Variants in ZNF385D observed in about 807,000 individuals in gnomAD.
ZNF385D encodes the protein zinc finger protein 659.
Under a neutral mutation model 35.8 loss-of-function variants are expected in ZNF385D, and 15 were observed. The ratio of observed to expected loss-of-function variants is 0.42; its 90% CI spans 0.28 to 0.64. The LOEUF (loss-of-function observed/expected upper bound fraction) is 0.64, where lower values mean the gene tolerates loss of function less well. ZNF385D is among the 30% of genes least tolerant of loss of function. The pLI, the probability that ZNF385D is intolerant of heterozygous loss-of-function variation, is 0.23. For missense variants in ZNF385D, 474 were observed against 494.6 expected (o/e 0.96, Z 0.39); for synonymous variants, 212 against 186.8 (o/e 1.13, Z -1.10).
chr3:22,024,034 G>A (rs2125460911), intron 3 of ZNF385D, among the ~76,000 whole-genome samples: 1 of 152,222 alleles, frequency 6.6e-6, no homozygotes, highest in Middle Eastern at 3.4e-3. Flanking sequence ...TTGAGTAAGT[G>A]GACTGGGAAA....
chr3:22,229,263 A>G (rs1027690488), intron 2 of ZNF385D, among the ~76,000 whole-genome samples: 3 of 152,168 alleles, frequency 2.0e-5, no homozygotes, highest in African/African-American at 7.2e-5. Context: ...ACTTTCTGTT[A>G]ACTCTCTTTG....
chr3:21,965,915 T>G (rs1361497901), intron 3 of ZNF385D, among the ~76,000 whole-genome samples: 3 of 152,144 alleles, frequency 2.0e-5, no homozygotes, highest in Non-Finnish European at 4.4e-5. Flanking sequence ...AAATAATTAG[T>G]GAATCCAGGT....
At chr3:21,470,861 C>A (rs558530802) in intron 4 of ZNF385D, among the ~76,000 whole-genome samples, 2 of 152,018 alleles carry the variant, frequency 1.3e-5, no homozygotes, top group Admixed American at 1.3e-4. Flanking sequence ...CCCAGTATAC[C>A]TTTATAAACC....
intron 3 of ZNF385D, among the ~76,000 whole-genome samples, chr3:22,058,059 C>T (rs1699500761): frequency 6.6e-6 from 1 of 152,162 alleles, no homozygotes; most frequent in South Asian, 2.1e-4. Context: ...TTCTTGTTGG[C>T]TATACACACC....
intron 4 of ZNF385D, among the ~76,000 whole-genome samples, chr3:21,481,586 G>A (rs996920149): frequency 5.3e-5 from 8 of 152,120 alleles, no homozygotes; most frequent in South Asian, 2.1e-4. Context: ...CTGGAGTGCC[G>A]TGTGTGATAT....
chr3:22,297,622 G>A (rs1702661752), intron 2 of ZNF385D, among the ~76,000 whole-genome samples: 1 of 152,034 alleles, frequency 6.6e-6, no homozygotes, highest in African/African-American at 2.4e-5. Flanking sequence ...TAGAGGAGTG[G>A]AGCAATGAGT....
At chr3:21,608,376 CTAAACCA>C (rs2064561470) in intron 2 of ZNF385D, among the ~76,000 whole-genome samples, 1 of 152,064 alleles carries the variant, frequency 6.6e-6, no homozygotes, top group African/African-American at 2.4e-5. Flanking sequence ...TTGTTAGCTA[CTAAACCA>C]TAAGCATTAA....
Position 22,025,439 on chromosome 3 carries a change from C to A in ZNF385D, c.325+143378G>T, listed in dbSNP as rs536955905. Among the ~76,000 whole-genome samples the A allele has an allele frequency of 5.7e-4, 87 of 152,138 alleles. 2 individuals are homozygous for A. The South Asian group carries it at 0.012, about 20-fold the overall frequency. On this transcript the variant is annotated intron_variant, in intron 3 of 5. Coordinates refer to the ZNF385D transcript ENST00000494108. ...CTACACTCGAAAAGAACTTTGAGTT[C>A]TCTAATCTATATAAACAGCAATCTG...
intron 2 of ZNF385D, among the ~76,000 whole-genome samples, chr3:22,205,283 C>G (rs1386924979): frequency 1.3e-5 from 2 of 151,424 alleles, no homozygotes; most frequent in African/African-American, 4.9e-5. Flanking sequence ...ATCCTTCAAA[C>G]AGTAAGAAGA....
intron 2 of ZNF385D, among the ~76,000 whole-genome samples, chr3:22,353,616 A>G (rs1428457399): frequency 6.6e-6 from 1 of 151,992 alleles, no homozygotes; most frequent in Non-Finnish European, 1.5e-5. Flanking sequence ...TTCACTACCC[A>G]CTTCAAAATT....
intron 3 of ZNF385D, among the ~76,000 whole-genome samples, chr3:21,783,272 A>G (rs999644696): frequency 1.3e-5 from 2 of 152,118 alleles, no homozygotes; most frequent in East Asian, 3.9e-4. Context: ...TTTATGTGCA[A>G]TGGGTTTAGT....
chr3:22,131,420 T>A (rs555805768), intron 3 of ZNF385D, among the ~76,000 whole-genome samples: 1 of 152,012 alleles, frequency 6.6e-6, no homozygotes, highest in African/African-American at 2.4e-5. Context: ...TGTTTTTCTA[T>A]AAGGGGAAAA....
intron 2 of ZNF385D, among the ~76,000 whole-genome samples, chr3:22,177,557 G>T (rs939365110): frequency 2.0e-5 from 3 of 152,136 alleles, no homozygotes; most frequent in Non-Finnish European, 4.4e-5. Flanking sequence ...AGAAGAGAGA[G>T]ATAATGTAGG....
At chr3:22,147,399 A>G (rs2125713567) in intron 3 of ZNF385D, among the ~76,000 whole-genome samples, 1 of 152,254 alleles carries the variant, frequency 6.6e-6, no homozygotes, top group Non-Finnish European at 1.5e-5. Context: ...CCATAGCCCA[A>G]ATCAGTTCCA....
At chr3:21,847,579 A>G (rs1358388143) in intron 3 of ZNF385D, among the ~76,000 whole-genome samples, 1 of 152,040 alleles carries the variant, frequency 6.6e-6, no homozygotes, top group Non-Finnish European at 1.5e-5. Context: ...GGTGTAGTTG[A>G]TTGAATGTAA....
chr3:22,118,361 T>A (rs555106196), intron 3 of ZNF385D, among the ~76,000 whole-genome samples: 1 of 152,070 alleles, frequency 6.6e-6, no homozygotes, highest in Non-Finnish European at 1.5e-5. Context: ...GTAAGAAATC[T>A]TAGAAAACTG....
Position 21,712,820 on chromosome 3 carries a change from T to G in ZNF385D, c.22+38075A>C, listed in dbSNP as rs563151557. ...TCAAGAGTAATTTATTTCTTAAATC[T>G]ACCACAAGCTTTCTGCCTTTACTGT... On this transcript the variant is annotated intron_variant, in intron 1 of 7. Coordinates refer to ENST00000281523, the MANE Select transcript of ZNF385D (RefSeq NM_024697.3). Among the ~76,000 whole-genome samples the G allele has an allele frequency of 2.6e-5, 4 of 152,356 alleles. No homozygotes were observed. In the South Asian group the frequency reaches 8.3e-4, roughly 32 times the overall value.
At chr3:22,185,235 G>A (rs1001274089) in intron 2 of ZNF385D, among the ~76,000 whole-genome samples, 6 of 152,060 alleles carry the variant, frequency 3.9e-5, no homozygotes, top group African/African-American at 7.2e-5. Flanking sequence ...GGACAGAAAC[G>A]AAATACTAAG....
intron 3 of ZNF385D, among the ~76,000 whole-genome samples, chr3:21,858,481 A>C (rs1696860330): frequency 3.3e-5 from 5 of 150,506 alleles, no homozygotes; most frequent in Non-Finnish European, 7.4e-5. Flanking sequence ...TTAGCTCATG[A>C]GAGTAGAGTC....
Sources: allele counts gnomAD v4.1 joint callset (sites outside exome capture counted in the v4.1 genomes callset), GRCh38; gene constraint gnomAD v4.1.1; transcripts MANE v1.5; gene names NCBI Gene and HGNC (gene_info 2026-07-23, HGNC 2026-07-21).